Variants in PDGFC observed in about 807,000 individuals in gnomAD.
PDGFC encodes the protein platelet derived growth factor C.
A neutral mutation model predicts 35.5 loss-of-function variants in PDGFC; 12 were observed. The observed-to-expected ratio is 0.34, with a 90% confidence interval of 0.22 to 0.55. PDGFC has a LOEUF of 0.55. PDGFC is among the 20% of genes least tolerant of loss of function. The probability of loss-of-function intolerance (pLI) is 0.91; values close to 1 mark genes in which losing one functional copy is unlikely to be tolerated. For synonymous variants in PDGFC, 159 were observed against 148.8 expected (o/e 1.07, Z -0.50); for missense variants, 322 against 412.4 (o/e 0.78, Z 1.90).
At chr4:156,828,766 A>C (rs1253826596) in intron 2 of PDGFC, among the ~76,000 whole-genome samples, 1 of 152,146 alleles carries the variant, frequency 6.6e-6, no homozygotes, top group Non-Finnish European at 1.5e-5. Flanking sequence ...ATTACTTCCT[A>C]AGTAAGCTTG....
Position 156,850,242 on chromosome 4 carries a change from T to A in PDGFC, c.293A>T (p.Asp98Val), listed in dbSNP as rs1269009732. ...LTFDERFGLE[D>V]PEDDICKYDF... ...TTACTTGCATATGTCATCTTCTGGG[T>A]CTTCAAGCCCAAATCTTTCATCAAA... Residue 98 changes from aspartate (D) to valine (V), a missense_variant, in exon 2 of 6, where the codon GAC becomes GTC. Asp to Val is a radical substitution (Grantham distance 152). Transcript: ENST00000502773. 6.9e-6 allele frequency: 11 copies of A among 1,587,718 alleles called. No individual in the cohort carries two copies. The highest frequency in any genetic ancestry group is 9.4e-6 in the Non-Finnish European group (11 of 1,165,266).
At chr4:156,952,678 T>G (rs1197661590) in intron 1 of PDGFC, among the ~76,000 whole-genome samples, 1 of 151,884 alleles carries the variant, frequency 6.6e-6, no homozygotes, top group Non-Finnish European at 1.5e-5. Context: ...TTTAACAAAT[T>G]GATCTACTAA....
At chr4:156,841,785 C>G (rs1729211842) in intron 2 of PDGFC, among the ~76,000 whole-genome samples, 1 of 152,106 alleles carries the variant, frequency 6.6e-6, no homozygotes, top group African/African-American at 2.4e-5. Context: ...GGATTACAGG[C>G]ATGAGCCACC....
intron 3 of PDGFC, among the ~76,000 whole-genome samples, chr4:156,778,676 A>G (rs1730893691): frequency 6.6e-6 from 1 of 152,322 alleles, no homozygotes; most frequent in Admixed American, 6.5e-5. Flanking sequence ...CTTACCTCTA[A>G]AAAACCATAG....
At chr4:156,960,811 T>C (rs536760359) in intron 1 of PDGFC, among the ~76,000 whole-genome samples, 1 of 152,056 alleles carries the variant, frequency 6.6e-6, no homozygotes, top group African/African-American at 2.4e-5. Flanking sequence ...TTTTAATGGG[T>C]AATCCAAAGG....
intron 1 of PDGFC, among the ~76,000 whole-genome samples, chr4:156,917,156 C>A (rs550445071): frequency 1.3e-5 from 2 of 152,292 alleles, no homozygotes; most frequent in South Asian, 2.1e-4. Context: ...CAATAAGAGA[C>A]CACTCTTGAC....
chr4:156,861,500 A>G, intron 1 of PDGFC: 1 of 1,174,236 alleles, frequency 8.5e-7, no homozygotes, highest in Non-Finnish European at 1.1e-6. Flanking sequence ...CTGCCAGTAG[A>G]TGGAGATAGT....
At chr4:156,867,846 A>T (rs1209904628) in intron 1 of PDGFC, among the ~76,000 whole-genome samples, 1 of 152,186 alleles carries the variant, frequency 6.6e-6, no homozygotes, top group Non-Finnish European at 1.5e-5. Context: ...AAAATGTGGA[A>T]GTTAGATTCA....
chr4:156,867,237 A>G (rs1282334810), intron 1 of PDGFC, among the ~76,000 whole-genome samples: 1 of 152,212 alleles, frequency 6.6e-6, no homozygotes, highest in Non-Finnish European at 1.5e-5. Context: ...TTACATATAA[A>G]TATGCAGTCA....
chr4:156,788,216 C>A (rs1731183371), intron 3 of PDGFC, among the ~76,000 whole-genome samples: 1 of 151,504 alleles, frequency 6.6e-6, no homozygotes, highest in Admixed American at 6.6e-5. Flanking sequence ...GAAAAAAAAA[C>A]ACACACAGAA....
chr4:156,971,371 G>A lies in PDGFC; in HGVS notation c.-468C>T. ...GCAGTTTCTGATCAATAACAAAGCT[G>A]CCAATAGATGCGGCTCTCCGGGCGC... On this transcript the variant is annotated 5_prime_UTR_variant, in exon 1 of 6. Coordinates refer to ENST00000502773, the MANE Select transcript of PDGFC (RefSeq NM_016205.3). 2 of 392,306 alleles carry A rather than the reference G, an allele frequency of 5.1e-6. No homozygotes were observed. Among genetic ancestry groups the A allele is most frequent in the Non-Finnish European group, 4.5e-6 (1 of 222,356 alleles). The allele number at this position is 392,306 out of a possible 1,614,324, so 24.3% of individuals were successfully genotyped here.
rs537731599 is a variant in PDGFC at position 156,836,337 on chromosome 4, T to C, written c.314+13884A>G. On this transcript the variant is annotated intron_variant, in intron 2 of 5. Coordinates refer to ENST00000502773, the MANE Select transcript of PDGFC (RefSeq NM_016205.3). ...TAAATCCTGCTTTAGAGCATTGCAC[T>C]AAATTAAGGTAAGGTTTTCCCCTTG... 3.9e-5 allele frequency among the ~76,000 whole-genome samples: 6 copies of C among 152,336 alleles called. No individual in the cohort carries two copies. In the South Asian group the frequency reaches 1.2e-3, roughly 32 times the overall value.
At chr4:156,955,874 G>A (rs1299871972) in intron 1 of PDGFC, among the ~76,000 whole-genome samples, 1 of 151,936 alleles carries the variant, frequency 6.6e-6, no homozygotes, top group East Asian at 1.9e-4. Context: ...AATAGGCTTT[G>A]TACTCTCTCA....
At chr4:156,948,666 T>C (rs1358236663) in intron 1 of PDGFC, among the ~76,000 whole-genome samples, 1 of 151,942 alleles carries the variant, frequency 6.6e-6, no homozygotes, top group Non-Finnish European at 1.5e-5. Context: ...TACTATGTAT[T>C]TTAGAAAGGA....
At chr4:156,766,969 TGAAAG>T (rs1730555540) in intron 5 of PDGFC, among the ~76,000 whole-genome samples, 1 of 151,988 alleles carries the variant, frequency 6.6e-6, no homozygotes, top group Non-Finnish European at 1.5e-5. Flanking sequence ...AATGGAAAAA[TGAAAG>T]GAAAGGCAGT....
intron 3 of PDGFC, among the ~76,000 whole-genome samples, chr4:156,789,908 C>T (rs988016482): frequency 2.2e-5 from 3 of 134,596 alleles, no homozygotes; most frequent in South Asian, 2.6e-4. Flanking sequence ...ACCCGGGAGG[C>T]GGAGCTTGCA....
chr4:156,823,836 T>C (rs1041119155), intron 2 of PDGFC, among the ~76,000 whole-genome samples: 2 of 152,126 alleles, frequency 1.3e-5, no homozygotes, highest in African/African-American at 2.4e-5. Flanking sequence ...AACCTAAGTG[T>C]CCATCAACGA....
In PDGFC at chr4:156,810,897, T is replaced by A. The variant is rs777452373; in HGVS notation, c.435A>T (p.Val145=). The change falls in exon 3 of 6, where the codon GTA becomes GTT. Residue 145 remains valine (V), a synonymous_variant. Coordinates refer to ENST00000502773, the MANE Select transcript of PDGFC (RefSeq NM_016205.3). The part of the protein sequence containing the change: ...SKGNQIRIRF[V]SDEYFPSEPG... ...GTTCAGAAGGAAAATATTCATCAGA[T>A]ACAAATCTTATCCTAATTTGATTTC... is the stretch of plus-strand genomic sequence containing the variant. The A allele has an allele frequency of 6.2e-7, 1 of 1,608,802 alleles. No homozygotes were observed. Among genetic ancestry groups the A allele is most frequent in the Admixed American group, 1.7e-5 (1 of 59,784 alleles).
chr4:156,799,398 G>GA (rs1163804481), intron 3 of PDGFC, among the ~76,000 whole-genome samples: 9 of 150,684 alleles, frequency 6.0e-5, no homozygotes, highest in East Asian at 5.8e-4. Flanking sequence ...GCAAAAAGCC[G>GA]AAAAAAAAAT....
Sources: allele counts gnomAD v4.1 joint callset (sites outside exome capture counted in the v4.1 genomes callset), GRCh38; gene constraint gnomAD v4.1.1; transcripts MANE v1.5; gene names NCBI Gene and HGNC (gene_info 2026-07-23, HGNC 2026-07-21).